SCEL: variants seen among roughly 807,000 people sequenced by gnomAD.
SCEL encodes the protein sciellin.
SCEL carries 113 observed loss-of-function variants against 117.6 expected under a neutral mutation model. The observed-to-expected ratio is 0.96, with a 90% confidence interval of 0.83 to 1.12. SCEL has a LOEUF of 1.12. Ranked by LOEUF, SCEL falls within the 50% of genes most tolerant of loss-of-function variation. The probability of loss-of-function intolerance (pLI) is 0.00; values close to 1 mark genes in which losing one functional copy is unlikely to be tolerated. For missense variants in SCEL, 785 were observed against 810.8 expected (o/e 0.97, Z 0.39); for synonymous variants, 270 against 256.2 (o/e 1.05, Z -0.51).
intron 19 of SCEL, among the ~76,000 whole-genome samples, chr13:77,606,738 T>C (rs2088222953): frequency 6.6e-6 from 1 of 152,212 alleles, no homozygotes; most frequent in South Asian, 2.1e-4. Context: ...AATCAGCATC[T>C]AGTTGCTTCC....
intron 19 of SCEL, among the ~76,000 whole-genome samples, chr13:77,607,217 TA>T (rs535875867): frequency 1.1e-4 from 16 of 147,662 alleles, no homozygotes; most frequent in South Asian, 2.2e-4. Flanking sequence ...CCAGGCTAAT[TA>T]AAAAAAAAAG....
Position 77,593,297 on chromosome 13 carries a change from T to TGTGTGTGTG in SCEL, c.693-217_693-216insGTGTGTGTG, listed in dbSNP as rs776632183. On this transcript the variant is annotated intron_variant, in intron 11 of 32. Transcript: ENST00000349847. ...GTGTGTGTGTGTGTGTGTGTGTGTGTCTGTGTGTGTGTGTGTGTGTGTCAG... is the reference window on the plus strand; with the variant it reads ...GTGTGTGTGTGTGTGTGTGTGTGTGTGTGTGTGTGCTGTGTGTGTGTGTGTGTGTGTCAG... Among the ~76,000 whole-genome samples the TGTGTGTGTG allele has an allele frequency of 8.5e-5, 10 of 117,178 alleles. No homozygotes were observed. In the East Asian group the frequency reaches 1.5e-3, roughly 18 times the overall value. 76.9% of individuals were successfully genotyped at this position (117,178 alleles called of 152,430 possible).
At chr13:77,543,092 T>TC (rs1211074181) in intron 1 of SCEL, among the ~76,000 whole-genome samples, 1 of 149,002 alleles carries the variant, frequency 6.7e-6, no homozygotes, top group Non-Finnish European at 1.5e-5. Flanking sequence ...CTTTTTTTTT[T>TC]TTTTTTTTTG....
At chr13:77,589,288 A>C in intron 10 of SCEL, 64 bp downstream of exon 10, 1 of 1,215,016 alleles carries the variant, frequency 8.2e-7, no homozygotes, top group Non-Finnish European at 1.2e-6. Flanking sequence ...AAGTAAATGG[A>C]CTGTGACCCG....
intron 9 of SCEL, among the ~76,000 whole-genome samples, chr13:77,585,801 G>A (rs867590590): frequency 4.6e-5 from 7 of 152,022 alleles, no homozygotes; most frequent in East Asian, 3.9e-4. Context: ...CTTGCTGAGC[G>A]TGTCATTTGT....
chr13:77,552,877 A>G (rs1391675949), intron 1 of SCEL, among the ~76,000 whole-genome samples: 1 of 152,178 alleles, frequency 6.6e-6, no homozygotes, highest in Non-Finnish European at 1.5e-5. Context: ...TCTTGAATTA[A>G]TTTTTGTATA....
At chr13:77,559,511 A>C (rs1039581449) in intron 3 of SCEL, among the ~76,000 whole-genome samples, 6 of 43,776 alleles carry the variant, frequency 1.4e-4, no homozygotes, top group Non-Finnish European at 2.5e-4. Flanking sequence ...AGTCTGATAA[A>C]ACACAACACA....
chr13:77,593,447 G>T, intron 11 of SCEL, 67 bp from the exon 12 acceptor site: 1 of 1,218,156 alleles, frequency 8.2e-7, no homozygotes, highest in South Asian at 1.3e-5. Flanking sequence ...AAACAAATGA[G>T]AAATTTTAGC....
At position 77,604,432 on chromosome 13, in the gene SCEL, TC is replaced by T. The variant is rs1351090863; in HGVS notation, c.1157+23del. The T allele has an allele frequency of 3.9e-6, 6 of 1,556,258 alleles. No individual in the cohort carries two copies. In the Admixed American group the frequency reaches 6.7e-5, roughly 17 times the overall value. On this transcript the variant is annotated intron_variant, in intron 19 of 32. Transcript: ENST00000349847. ...TATTACGAGGTAAGACATTTAAAGC[TC>T]CCCCCTCCCCTTTGTTTGGCATTTA...
At chr13:77,613,828 C>G in intron 23 of SCEL, 65 bp from the exon 24 acceptor site, 1 of 1,241,618 alleles carries the variant, frequency 8.1e-7, no homozygotes, top group Non-Finnish European at 1.2e-6. Context: ...GAATGACTTG[C>G]ACCTGTCAAA....
chr13:77,568,935 A>G (rs2085440399), intron 7 of SCEL, among the ~76,000 whole-genome samples: 1 of 152,188 alleles, frequency 6.6e-6, no homozygotes, highest in African/African-American at 2.4e-5. Flanking sequence ...TCCATTTTTG[A>G]GGCTCTGCAT....
chr13:77,576,525 G>A (rs778526508), intron 9 of SCEL, among the ~76,000 whole-genome samples: 4 of 152,158 alleles, frequency 2.6e-5, no homozygotes, highest in South Asian at 2.1e-4. Flanking sequence ...TTGTGTGCTC[G>A]CCACTTCTTC....
chr13:77,641,581 T>A (rs2090558761), intron 31 of SCEL, among the ~76,000 whole-genome samples: 1 of 152,164 alleles, frequency 6.6e-6, no homozygotes, highest in Non-Finnish European at 1.5e-5. Context: ...AAAAATAGAA[T>A]GATCGGGACC....
At chr13:77,626,679 G>T (rs1200967941) in intron 27 of SCEL, among the ~76,000 whole-genome samples, 2 of 152,104 alleles carry the variant, frequency 1.3e-5, no homozygotes, top group Non-Finnish European at 2.9e-5. Flanking sequence ...GAACGTACTT[G>T]TTTCTCCTTC....
chr13:77,562,172 T>C (rs1373237044), intron 4 of SCEL, among the ~76,000 whole-genome samples: 1 of 151,976 alleles, frequency 6.6e-6, no homozygotes, highest in Admixed American at 6.6e-5. Flanking sequence ...GCATCCTAGT[T>C]GAAAGTGAGG....
intron 22 of SCEL, among the ~76,000 whole-genome samples, chr13:77,611,457 A>T (rs971761877): frequency 2.0e-5 from 3 of 152,180 alleles, no homozygotes; most frequent in Non-Finnish European, 4.4e-5. Context: ...TTTACTGTTG[A>T]GGGTCAGACA....
chr13:77,579,678 C>T (rs1285881323), intron 9 of SCEL, among the ~76,000 whole-genome samples: 1 of 152,154 alleles, frequency 6.6e-6, no homozygotes, highest in Non-Finnish European at 1.5e-5. Flanking sequence ...ATGATAAACA[C>T]AAAGGTCAAG....
chr13:77,626,578 T>A (rs1055737690), intron 27 of SCEL, among the ~76,000 whole-genome samples: 7 of 152,194 alleles, frequency 4.6e-5, no homozygotes, highest in Admixed American at 4.6e-4. Context: ...TCCTCCATGC[T>A]GTTCTCATGA....
intron 1 of SCEL, among the ~76,000 whole-genome samples, chr13:77,549,954 T>C (rs2154394950): frequency 6.6e-6 from 1 of 151,964 alleles, no homozygotes; most frequent in Admixed American, 6.5e-5. Flanking sequence ...GCACGGGCCA[T>C]ATAAGAGTGT....
Sources: allele counts gnomAD v4.1 joint callset (sites outside exome capture counted in the v4.1 genomes callset), GRCh38; gene constraint gnomAD v4.1.1; transcripts MANE v1.5; gene names NCBI Gene and HGNC (gene_info 2026-07-23, HGNC 2026-07-21).